Variants in FBXL2 observed in about 807,000 individuals in gnomAD.
FBXL2 encodes F-box/LRR-repeat protein 2.
A neutral mutation model predicts 69.2 loss-of-function variants in FBXL2; 38 were observed. That is an observed-to-expected ratio of 0.55 (90% CI 0.42 to 0.72). FBXL2 has a LOEUF of 0.72. Among genes scored for constraint, FBXL2 ranks in the 30% least tolerant of loss-of-function variants. FBXL2 has a pLI of 0.00. For missense variants in FBXL2, 354 were observed against 520.3 expected (o/e 0.68, Z 3.11); for synonymous variants, 192 against 201.3 (o/e 0.95, Z 0.39).
chr3:33,409,762 TA>T, the FBXL2 span, among the ~76,000 whole-genome samples: 1 of 152,262 alleles, frequency 6.6e-6, no homozygotes, highest in Non-Finnish European at 1.5e-5. Context: ...TAATTGTTTT[TA>T]AGATATGGCT....
At chr3:33,401,604 G>A (rs2044230935) in intron 12 of FBXL2, among the ~76,000 whole-genome samples, 1 of 152,180 alleles carries the variant, frequency 6.6e-6, no homozygotes, top group South Asian at 2.1e-4. Flanking sequence ...TGGCTCTTGA[G>A]CACCGACTCC....
the FBXL2 span, among the ~76,000 whole-genome samples, chr3:33,411,237 G>A: frequency 6.6e-6 from 1 of 152,146 alleles, no homozygotes; most frequent in Admixed American, 6.5e-5. Context: ...AATAATGCTA[G>A]AAGGAATTTT....
At chr3:33,390,487 A>T, downstream of FBXL2, 1 of 1,044,548 alleles carries the variant, frequency 9.6e-7, no homozygotes, top group Non-Finnish European at 1.4e-6. Flanking sequence ...CCTTTAAATG[A>T]TTCTAGAGAA....
intron 4 of FBXL2, among the ~76,000 whole-genome samples, chr3:33,360,545 T>G (rs2041538831): frequency 1.3e-5 from 2 of 152,204 alleles, no homozygotes; most frequent in South Asian, 4.1e-4. Flanking sequence ...TTCACGCCCA[T>G]CCTGGAAAGA....
At chr3:33,381,607 A>T (rs991791369) in intron 13 of FBXL2, among the ~76,000 whole-genome samples, 1 of 151,928 alleles carries the variant, frequency 6.6e-6, no homozygotes, top group African/African-American at 2.4e-5. Flanking sequence ...CTGGGCAACA[A>T]GAGTGAAACT....
chr3:33,289,828 G>A, intron 1 of FBXL2: 1 of 979,812 alleles, frequency 1.0e-6, no homozygotes, highest in Non-Finnish European at 1.2e-6. Context: ...TGGGGGCAGG[G>A]CAGGAGAGTT....
intron 2 of FBXL2, among the ~76,000 whole-genome samples, chr3:33,332,970 A>G (rs574121285): frequency 1.3e-5 from 2 of 152,364 alleles, no homozygotes; most frequent in East Asian, 3.9e-4. Context: ...CAAAAACATT[A>G]TATGAAGAAA....
chr3:33,282,212 T>A (rs2034092979), intron 1 of FBXL2, among the ~76,000 whole-genome samples: 1 of 152,226 alleles, frequency 6.6e-6, no homozygotes, highest in Admixed American at 6.5e-5. Flanking sequence ...CCATCTTGAA[T>A]TAATTTTTGT....
chr3:33,309,724 A>G (rs759652465), intron 2 of FBXL2, among the ~76,000 whole-genome samples: 4 of 152,164 alleles, frequency 2.6e-5, no homozygotes, highest in Non-Finnish European at 5.9e-5. Flanking sequence ...TTGTGATTAT[A>G]TGATTTTTCT....
chr3:33,300,969 C>T lies in FBXL2; in HGVS notation c.65+3244C>T, dbSNP rs185091342. 4.3e-3 allele frequency among the ~76,000 whole-genome samples: 652 copies of T among 152,090 alleles called. 18 individuals carry two copies. The highest frequency in any genetic ancestry group is 0.039 in the Admixed American group (603 of 15,278). ...CCGCCCGCCTTGGCCTCCCAAAGTG[C>T]TGGGATTACAGGTGTAAGCCACTGC... is the stretch of plus-strand genomic sequence containing the variant. On this transcript the variant is annotated intron_variant, in intron 2 of 14. Transcript: ENST00000484457.
intron 2 of FBXL2, among the ~76,000 whole-genome samples, chr3:33,299,027 T>TTTTATTTATTTA (rs61556987): frequency 0.042 from 6,145 of 146,106 alleles, 387 homozygotes; most frequent in African/African-American, 0.14. Context: ...ATTTTTTTAA[T>TTTTATTTATTTA]TTTATTTATT....
intron 12 of FBXL2, chr3:33,393,555 T>C: frequency 2.6e-6 from 3 of 1,155,402 alleles, no homozygotes; most frequent in Non-Finnish European, 3.5e-6. Context: ...CCTTTCAAAG[T>C]ACCAAAAAAG....
At chr3:33,355,730 G>T (rs1342285620) in intron 2 of FBXL2, among the ~76,000 whole-genome samples, 1 of 152,182 alleles carries the variant, frequency 6.6e-6, no homozygotes, top group African/African-American at 2.4e-5. Flanking sequence ...TGCTTGCCTT[G>T]TAAAGCTGAG....
chr3:33,408,716 C>T, the FBXL2 span: 2 of 1,613,728 alleles, frequency 1.2e-6, no homozygotes, highest in Non-Finnish European at 1.7e-6. Flanking sequence ...AGAGAATCAC[C>T]GTAGTCTGCT....
chr3:33,377,422 C>T, intron 11 of FBXL2, 89 bp downstream of exon 11: 1 of 1,257,522 alleles, frequency 8.0e-7, no homozygotes, highest in Non-Finnish European at 1.2e-6. Flanking sequence ...GTGCAAAAGA[C>T]TACCTTCAGA....
downstream of FBXL2, among the ~76,000 whole-genome samples, chr3:33,404,714 A>G (rs1456428312): frequency 6.6e-6 from 1 of 152,182 alleles, no homozygotes; most frequent in Non-Finnish European, 1.5e-5. Flanking sequence ...GGTGATTTTC[A>G]ATTATTTGCT....
intron 5 of FBXL2, among the ~76,000 whole-genome samples, chr3:33,366,434 A>C (rs116361484): frequency 0.022 from 3,277 of 152,252 alleles, 59 homozygotes; most frequent in Admixed American, 0.061. Flanking sequence ...TGGGAGGCCA[A>C]GGTGGGAGAA....
At chr3:33,380,906 A>G (rs1223835902) in intron 13 of FBXL2, among the ~76,000 whole-genome samples, 1 of 152,206 alleles carries the variant, frequency 6.6e-6, no homozygotes, top group Non-Finnish European at 1.5e-5. Context: ...TGAGCTGGGT[A>G]TAATTGGCAA....
intron 2 of FBXL2, among the ~76,000 whole-genome samples, chr3:33,343,149 T>TTA (rs1167564311): frequency 6.6e-5 from 10 of 151,844 alleles, no homozygotes; most frequent in Admixed American, 2.6e-4. Flanking sequence ...TTCAAAGCAA[T>TTA]TATATATATA....
Sources: allele counts gnomAD v4.1 joint callset (sites outside exome capture counted in the v4.1 genomes callset), GRCh38; gene constraint gnomAD v4.1.1; transcripts MANE v1.5; gene names NCBI Gene and HGNC (gene_info 2026-07-23, HGNC 2026-07-21).